NDRG4: variants seen among roughly 807,000 people sequenced by gnomAD.
The protein encoded by NDRG4 is protein NDRG4.
Under a neutral mutation model 55.8 loss-of-function variants are expected in NDRG4, and 38 were observed. The ratio of observed to expected loss-of-function variants is 0.68; its 90% CI spans 0.53 to 0.89. NDRG4 has a LOEUF of 0.89. Among genes scored for constraint, NDRG4 ranks in the 40% least tolerant of loss-of-function variants. NDRG4 has a pLI of 0.00. For synonymous variants in NDRG4, 190 were observed against 182.7 expected, an observed-to-expected ratio of 1.04 and a Z score of -0.32; for missense variants, 455 against 468.6, an observed-to-expected ratio of 0.97 and a Z score of 0.27.
intron 1 of NDRG4, among the ~76,000 whole-genome samples, chr16:58,503,504 C>G (rs938006200): frequency 3.3e-5 from 5 of 152,164 alleles, no homozygotes; most frequent in African/African-American, 1.2e-4. Context: ...AACAGCCTCC[C>G]TGGACCCTCA....
rs1020941514 is a variant in NDRG4 at position 58,491,533 on chromosome 16, T to C, written c.73-3431T>C. On this transcript the variant is annotated intron_variant, in intron 2 of 15. Coordinates refer to the NDRG4 transcript ENST00000258187. ...TGGAATGCAATGGCGCGATCTCAGC[T>C]CACCACAACCTCCGCCTCCCCAATT... Among the ~76,000 whole-genome samples, 144 of 151,646 alleles carry C rather than the reference T, an allele frequency of 9.5e-4. 1 individual carries two copies. The highest frequency in any genetic ancestry group is 3.5e-3 in the African/African-American group (143 of 41,328).
exon 2 of NDRG4, chr16:58,487,773 G>A: frequency 6.5e-7 from 1 of 1,542,930 alleles, no homozygotes; most frequent in Non-Finnish European, 8.7e-7. Flanking sequence ...GCTCCACGAC[G>A]TGACCATGGC....
chr16:58,483,651 CAA>C (rs766471704), intron 1 of NDRG4, among the ~76,000 whole-genome samples: 21 of 152,228 alleles, frequency 1.4e-4, no homozygotes, highest in Middle Eastern at 3.4e-3. Flanking sequence ...CTAACAGAAA[CAA>C]GAGGAAAAAC....
At chr16:58,502,254 T>C (rs2037261616) in intron 1 of NDRG4, 1 of 339,308 alleles carries the variant, frequency 2.9e-6, no homozygotes, top group Non-Finnish European at 5.9e-6. Context: ...GGGGAAGTGT[T>C]CCTGGATTTG....
chr16:58,496,766 C>T (rs1014152302), upstream of NDRG4: 1 of 152,174 alleles, frequency 6.6e-6, no homozygotes, highest in African/African-American at 2.4e-5. Flanking sequence ...CGAGTGGCCA[C>T]CAGAGTGTGG....
chr16:58,508,121 G>A (rs890420031), intron 10 of NDRG4, 122 bp downstream of exon 10: 15 of 829,122 alleles, frequency 1.8e-5, no homozygotes, highest in African/African-American at 1.4e-4. Context: ...AGCAGTGGAC[G>A]GTGGGCTTCT....
At chr16:58,503,213 C>T (rs532875627) in intron 1 of NDRG4, among the ~76,000 whole-genome samples, 6 of 152,242 alleles carry the variant, frequency 3.9e-5, no homozygotes, top group African/African-American at 9.6e-5. Flanking sequence ...GGGTCTGACC[C>T]GGGCCTGCCT....
At chr16:58,503,679 A>G in intron 1 of NDRG4, 119 bp from the exon 2 acceptor site, 1 of 1,544,096 alleles carries the variant, frequency 6.5e-7, no homozygotes, top group Non-Finnish European at 8.7e-7. Context: ...TGAGAACAGG[A>G]TGCCCCAAGT....
At chr16:58,489,600 G>A (rs1286726184) in intron 2 of NDRG4, among the ~76,000 whole-genome samples, 4 of 151,936 alleles carry the variant, frequency 2.6e-5, no homozygotes, top group African/African-American at 4.8e-5. Context: ...GTGTCACTTA[G>A]CCTGGTTTGT....
At chr16:58,501,187 C>A in intron 1 of NDRG4, 1 of 652,158 alleles carries the variant, frequency 1.5e-6, no homozygotes, top group South Asian at 8.0e-5. Flanking sequence ...GGTCACCCCG[C>A]ACGCACGGAG....
chr16:58,491,399 G>A (rs1208802201), intron 2 of NDRG4, among the ~76,000 whole-genome samples: 1 of 151,240 alleles, frequency 6.6e-6, no homozygotes, highest in East Asian at 1.9e-4. Flanking sequence ...AGGCTGTGGC[G>A]CTCACAGACG....
In NDRG4 at chr16:58,504,175, T is replaced by C. The variant is rs777392151; in HGVS notation, c.149T>C (p.Phe50Ser). 1 of 1,614,054 alleles carries C rather than the reference T, an allele frequency of 6.2e-7. No individual in the cohort carries two copies. Among genetic ancestry groups the C allele is most frequent in the Non-Finnish European group, 8.5e-7 (1 of 1,180,040 alleles). The change falls in exon 3 of 15, where the codon TTC becomes TCC. Residue 50 changes from phenylalanine to serine, a missense_variant. By Grantham distance (155) the Phe-to-Ser change is radical (BLOSUM62 -2). Transcript: ENST00000570248. ...GLNHKLCFNT[F>S]FNFEDMQEIT... ...GCAGACAAACTATGCTTCAACACCT[T>C]CTTCAACTTCGAGGACATGCAGGAG...
intron 2 of NDRG4, 26 bp downstream of exon 2, chr16:58,503,929 CCCT>C: frequency 6.2e-7 from 1 of 1,610,908 alleles, no homozygotes; most frequent in South Asian, 1.1e-5. Context: ...CCTCAGTCAG[CCCT>C]CCTCTGCCTC....
intron 1 of NDRG4, among the ~76,000 whole-genome samples, chr16:58,468,832 A>G (rs1324860656): frequency 6.6e-6 from 1 of 152,176 alleles, no homozygotes; most frequent in Non-Finnish European, 1.5e-5. Context: ...TGCCTTCGGT[A>G]GCCGGATGAT....
Position 58,510,655 on chromosome 16 carries a change from G to T in NDRG4, c.876G>T (p.Leu292Phe). Residue 292 changes from leucine (L) to phenylalanine (F), a missense_variant, in exon 14 of 15, where the codon TTG (leucine) becomes TTT (phenylalanine). Leu to Phe is a conservative substitution (Grantham distance 22, BLOSUM62 0). Coordinates refer to ENST00000570248, the MANE Select transcript of NDRG4 (RefSeq NM_001242835.2). ...FLQGMGYIAY[L>F]KDRRLSGGAV... ...TGTCTTCTCTCTTAGTTGCGTACTT[G>T]AAGGACCGAAGGCTGAGTGGAGGAG... The T allele has an allele frequency of 6.5e-7, 1 of 1,535,718 alleles. No individual in the cohort carries two copies. The highest frequency in any genetic ancestry group is 8.7e-7 in the Non-Finnish European group (1 of 1,146,832).
In NDRG4 at chr16:58,507,945, C is replaced by T. The variant is rs2038263782; in HGVS notation, c.678-3C>T. ...AGACAGCCCTTTTCCTCTGTATCTG[C>T]AGCTGCCCCGTGATGCTGGTGGTTG... On this transcript the variant is annotated splice_polypyrimidine_tract_variant and splice_region_variant and intron_variant, in intron 9 of 14. Coordinates refer to ENST00000570248, the MANE Select transcript of NDRG4 (RefSeq NM_001242835.2). 6.2e-7 allele frequency: 1 copy of T among 1,608,102 alleles called. No homozygotes were observed. The highest frequency in any genetic ancestry group is 1.7e-5 in the Admixed American group (1 of 59,734).
intron 1 of NDRG4, among the ~76,000 whole-genome samples, chr16:58,487,333 C>T (rs2035210793): frequency 6.6e-6 from 1 of 152,094 alleles, no homozygotes; most frequent in Admixed American, 6.5e-5. Flanking sequence ...CCAGGCTGAC[C>T]ACCATGGTGA....
intron 1 of NDRG4, among the ~76,000 whole-genome samples, chr16:58,477,981 A>G (rs995479744): frequency 5.3e-5 from 8 of 152,120 alleles, no homozygotes; most frequent in Non-Finnish European, 1.2e-4. Context: ...TGAGAAGGGC[A>G]CCTCCTTCTG....
intron 2 of NDRG4, among the ~76,000 whole-genome samples, chr16:58,492,900 C>T (rs1213912818): frequency 1.3e-5 from 2 of 152,068 alleles, no homozygotes; most frequent in East Asian, 3.9e-4. Context: ...TCCTTTCCCT[C>T]CTCTCCTTCC....
Sources: gnomAD v4.1 joint callset for allele counts (sites outside exome capture counted in the v4.1 genomes callset) on GRCh38, gnomAD v4.1.1 for gene constraint, MANE v1.5 for transcripts, NCBI Gene and HGNC (gene_info 2026-07-23, HGNC 2026-07-21) for gene names.